The following ARHGAP26 variants were observed in gnomAD, a reference collection of about 807,000 sequenced individuals.
ARHGAP26 encodes the protein Rho GTPase activating protein 26.
In ARHGAP26, 38 loss-of-function variants were observed where a neutral mutation model predicts 104.8. The observed-to-expected ratio is 0.36, with a 90% CI of 0.28 to 0.48. The LOEUF (loss-of-function observed/expected upper bound fraction) is 0.48, where lower values mean the gene tolerates loss of function less well. Ranked by LOEUF, ARHGAP26 falls within the 20% of genes least tolerant of loss-of-function variation. The probability of loss-of-function intolerance (pLI) is 0.99; values close to 1 mark genes in which losing one functional copy is unlikely to be tolerated. For missense variants in ARHGAP26, 704 were observed against 947.9 expected (o/e 0.74, Z 3.38); for synonymous variants, 341 against 340.0 (o/e 1.00, Z -0.03).
At chr5:142,916,964 G>C (rs1762559074) in intron 10 of ARHGAP26, among the ~76,000 whole-genome samples, 1 of 152,112 alleles carries the variant, frequency 6.6e-6, no homozygotes, top group Non-Finnish European at 1.5e-5. Context: ...CGTTTACTCA[G>C]GGCTAAGGTG....
chr5:142,865,626 A>G (rs971495716), intron 1 of ARHGAP26, among the ~76,000 whole-genome samples: 3 of 152,068 alleles, frequency 2.0e-5, no homozygotes, highest in Non-Finnish European at 2.9e-5. Flanking sequence ...CTGTGGTTGC[A>G]CATTCTCATA....
Position 143,054,409 on chromosome 5 carries a change from G to A in ARHGAP26, c.1286-30G>A, listed in dbSNP as rs1302482005. ...ATTTATTAGTTCCATTTTATGCTGT[G>A]CTTTATGTATTGTCTTTTCTTCATT... On this transcript the variant is annotated intron_variant, in intron 14 of 22. Transcript: ENST00000645722. The A allele has an allele frequency of 3.9e-6, 6 of 1,532,750 alleles. No individual in the cohort carries two copies. The Admixed American group carries it at 5.4e-5, about 14-fold the overall frequency. 94.9% of individuals were successfully genotyped at this position (1,532,750 alleles called of 1,614,324 possible).
intron 17 of ARHGAP26, among the ~76,000 whole-genome samples, chr5:143,093,220 C>G (rs888820225): frequency 6.6e-6 from 1 of 150,830 alleles, no homozygotes; most frequent in Non-Finnish European, 1.5e-5. Flanking sequence ...CTCTAAAAGT[C>G]TTTTTAGACT....
intron 20 of ARHGAP26, chr5:143,170,422 A>G (rs1202710893): frequency 6.6e-6 from 1 of 152,214 alleles, no homozygotes; most frequent in African/African-American, 2.4e-5. Flanking sequence ...ATGAGTTTGG[A>G]TAAGAACTGT....
chr5:142,992,428 A>T (rs563612751), intron 11 of ARHGAP26, among the ~76,000 whole-genome samples: 25 of 150,968 alleles, frequency 1.7e-4, no homozygotes, highest in Non-Finnish European at 3.5e-4. Context: ...TATTTATTTT[A>T]TTTTATTTTT....
At chr5:142,978,740 A>T (rs1372498893) in intron 11 of ARHGAP26, among the ~76,000 whole-genome samples, 2 of 142,734 alleles carry the variant, frequency 1.4e-5, no homozygotes, top group Admixed American at 1.4e-4. Flanking sequence ...TCAAGAAAGG[A>T]GTTTGCCTTT....
chr5:143,179,819 G>GGAAT (rs775086942), intron 20 of ARHGAP26, among the ~76,000 whole-genome samples: 4 of 152,054 alleles, frequency 2.6e-5, no homozygotes, highest in Non-Finnish European at 5.9e-5. Context: ...ACTAAATATA[G>GGAAT]GAATGCCTCA....
At chr5:143,077,989 A>T (rs1274069585) in intron 17 of ARHGAP26, among the ~76,000 whole-genome samples, 1 of 152,124 alleles carries the variant, frequency 6.6e-6, no homozygotes, top group Non-Finnish European at 1.5e-5. Flanking sequence ...AGGCCAGTTC[A>T]TCTCTGCATG....
intron 11 of ARHGAP26, among the ~76,000 whole-genome samples, chr5:142,936,132 C>T (rs1043608335): frequency 1.2e-4 from 19 of 152,018 alleles, no homozygotes; most frequent in African/African-American, 4.6e-4. Flanking sequence ...CACACACACA[C>T]ACACACACAC....
intron 5 of ARHGAP26, among the ~76,000 whole-genome samples, chr5:142,888,150 G>A (rs1429951628): frequency 6.6e-6 from 1 of 152,192 alleles, no homozygotes; most frequent in Non-Finnish European, 1.5e-5. Context: ...ACCCTAAGAG[G>A]TATAGATGTG....
intron 10 of ARHGAP26, among the ~76,000 whole-genome samples, chr5:142,930,378 G>T (rs955239416): frequency 3.9e-5 from 6 of 152,182 alleles, no homozygotes; most frequent in African/African-American, 1.4e-4. Flanking sequence ...TGGGCACTTG[G>T]TTGGGTCTGA....
chr5:142,839,844 G>T (rs1196690116), intron 1 of ARHGAP26, among the ~76,000 whole-genome samples: 1 of 150,640 alleles, frequency 6.6e-6, no homozygotes, highest in Non-Finnish European at 1.5e-5. Flanking sequence ...GGAGACCTTG[G>T]GGAAATTTTG....
Position 143,226,158 on chromosome 5 carries a change from C to A in ARHGAP26, c.*3712C>A. 5.2e-6 allele frequency: 1 copy of A among 190,556 alleles called. No homozygotes were observed. Among genetic ancestry groups the A allele is most frequent in the East Asian group, 8.3e-5 (1 of 12,060 alleles). 11.8% of individuals were successfully genotyped at this position (190,556 alleles called of 1,614,324 possible). On this transcript the variant is annotated 3_prime_UTR_variant, in exon 23 of 23. Transcript: ENST00000645722. ...GTATTAAGGTCAGCCTCTCACTCTT[C>A]CTTCAGGTTACTAACAAAATTTCGT...
intron 17 of ARHGAP26, among the ~76,000 whole-genome samples, chr5:143,077,249 C>T (rs958585722): frequency 1.3e-5 from 2 of 152,148 alleles, no homozygotes; most frequent in African/African-American, 4.8e-5. Context: ...AGCTAAGCTA[C>T]AGGTCTTGGA....
intron 1 of ARHGAP26, among the ~76,000 whole-genome samples, chr5:142,862,834 C>G (rs376313276): frequency 1.3e-5 from 2 of 152,196 alleles, no homozygotes; most frequent in African/African-American, 2.4e-5. Flanking sequence ...ACACGTCACC[C>G]TCTTAATCTA....
intron 11 of ARHGAP26, among the ~76,000 whole-genome samples, chr5:143,003,263 T>C (rs1777444736): frequency 6.6e-6 from 1 of 152,210 alleles, no homozygotes; most frequent in African/African-American, 2.4e-5. Context: ...TCACCTTTTC[T>C]CTTGAAACTA....
intron 11 of ARHGAP26, among the ~76,000 whole-genome samples, chr5:143,009,938 A>C (rs1404117199): frequency 6.6e-6 from 1 of 152,162 alleles, no homozygotes; most frequent in Non-Finnish European, 1.5e-5. Context: ...TGGAGAGTTG[A>C]GTTCTATTGT....
At chr5:142,953,912 G>T (rs1028809970) in intron 11 of ARHGAP26, among the ~76,000 whole-genome samples, 1 of 152,096 alleles carries the variant, frequency 6.6e-6, no homozygotes, top group Non-Finnish European at 1.5e-5. Flanking sequence ...GTCCATTTGG[G>T]GTGGGGTGCT....
chr5:142,979,532 C>T (rs1239044240), intron 11 of ARHGAP26, among the ~76,000 whole-genome samples: 1 of 152,190 alleles, frequency 6.6e-6, no homozygotes, highest in East Asian at 1.9e-4. Flanking sequence ...CTCTTGAGGG[C>T]TAGGAGTGCC....
Sources: allele counts gnomAD v4.1 joint callset (sites outside exome capture counted in the v4.1 genomes callset), GRCh38; gene constraint gnomAD v4.1.1; transcripts MANE v1.5; gene names NCBI Gene and HGNC (gene_info 2026-07-23, HGNC 2026-07-21).